RPGRIP1: variants seen among roughly 807,000 people sequenced by gnomAD.
RPGRIP1 encodes the protein X-linked retinitis pigmentosa GTPase regulator-interacting protein 1.
A neutral mutation model predicts 157.9 loss-of-function variants in RPGRIP1; 128 were observed. The ratio of observed to expected loss-of-function variants is 0.81; its 90% CI spans 0.70 to 0.94. RPGRIP1 has a LOEUF of 0.94. Ranked by LOEUF, RPGRIP1 falls within the 40% of genes least tolerant of loss-of-function variation. The pLI, the probability that RPGRIP1 is intolerant of heterozygous loss-of-function variation, is 0.00. For synonymous variants in RPGRIP1, 554 were observed against 571.6 expected (o/e 0.97, Z 0.44); for missense variants, 1,486 against 1,545.8 (o/e 0.96, Z 0.65).
intron 15 of RPGRIP1, 50 bp from the exon 16 acceptor site, chr14:21,325,182 C>G: frequency 6.4e-7 from 1 of 1,555,464 alleles, no homozygotes; most frequent in Non-Finnish European, 8.7e-7. Flanking sequence ...GTTCTTGATC[C>G]TTGCCACACC....
intron 20 of RPGRIP1, 35 bp downstream of exon 20, chr14:21,330,422 A>G (rs749779476): frequency 2.1e-6 from 3 of 1,404,804 alleles, no homozygotes; most frequent in Non-Finnish European, 2.8e-6. Flanking sequence ...TTTTCCTAGC[A>G]CTTTGGGAGG....
chr14:21,281,688 CA>C (rs1282350183), intron 1 of RPGRIP1, among the ~76,000 whole-genome samples: 83 of 79,266 alleles, frequency 1.0e-3, no homozygotes, highest in South Asian at 3.2e-3. Flanking sequence ...GACCTTGTCT[CA>C]AAAAAAAAAA....
chr14:21,314,380 G>A (rs1881675009), intron 10 of RPGRIP1, among the ~76,000 whole-genome samples: 1 of 152,002 alleles, frequency 6.6e-6, no homozygotes, highest in Non-Finnish European at 1.5e-5. Flanking sequence ...CACCGACCCT[G>A]GGCTATTCTA....
intron 6 of RPGRIP1, among the ~76,000 whole-genome samples, chr14:21,305,400 C>T (rs1197971999): frequency 6.6e-6 from 1 of 152,180 alleles, no homozygotes; most frequent in Admixed American, 6.5e-5. Context: ...TTTTTCAAAA[C>T]ACCAAATAAC....
intron 1 of RPGRIP1, among the ~76,000 whole-genome samples, chr14:21,286,565 C>A (rs1878010392): frequency 6.6e-6 from 1 of 151,874 alleles, no homozygotes; most frequent in African/African-American, 2.4e-5. Context: ...GAGGCTGAGG[C>A]AGGCAGATCA....
intron 2 of RPGRIP1, among the ~76,000 whole-genome samples, chr14:21,293,121 G>A (rs1880606607): frequency 6.6e-6 from 1 of 152,124 alleles, no homozygotes; most frequent in Non-Finnish European, 1.5e-5. Flanking sequence ...ACTCCAGCCT[G>A]GGCAAAAAGA....
At chr14:21,307,332 G>GCCA (rs1881359127) in intron 6 of RPGRIP1, among the ~76,000 whole-genome samples, 2 of 152,340 alleles carry the variant, frequency 1.3e-5, no homozygotes, top group Admixed American at 1.3e-4. Flanking sequence ...GGGATTATAG[G>GCCA]CGTGAGCCAC....
intron 8 of RPGRIP1, 81 bp from the exon 9 acceptor site, chr14:21,311,743 A>C: frequency 8.9e-7 from 1 of 1,119,370 alleles, no homozygotes; most frequent in Non-Finnish European, 1.3e-6. Context: ...TCTGTTAGAG[A>C]ATGCTAGGGT....
At position 21,281,690 on chromosome 14, in the gene RPGRIP1, A is replaced by G. The variant is rs935175101; in HGVS notation, c.-39+1531A>G. Among the ~76,000 whole-genome samples, 79 of 119,516 alleles carry G rather than the reference A, an allele frequency of 6.6e-4. 1 individual carries two copies. Among genetic ancestry groups the G allele is most frequent in the Admixed American group, 3.4e-3 (41 of 11,940 alleles). 78.4% of individuals were successfully genotyped at this position (119,516 alleles called of 152,430 possible). On this transcript the variant is annotated intron_variant, in intron 1 of 24. Transcript: ENST00000400017. ...GGCAACAGAGTGAGACCTTGTCTCAAAAAAAAAAAAAATAAATAATAATAA... is the reference window on the plus strand; with the variant it reads ...GGCAACAGAGTGAGACCTTGTCTCAGAAAAAAAAAAAATAAATAATAATAA...
At chr14:21,323,539 C>G (rs969676254) in intron 14 of RPGRIP1, among the ~76,000 whole-genome samples, 8 of 152,028 alleles carry the variant, frequency 5.3e-5, no homozygotes, top group African/African-American at 1.9e-4. Flanking sequence ...GATTTATTTG[C>G]TTTAGCTAAT....
In RPGRIP1 at chr14:21,330,248, G is replaced by A. The variant is rs371900300; in HGVS notation, c.3100-1G>A. The A allele has an allele frequency of 2.6e-6, 4 of 1,546,722 alleles. No individual in the cohort carries two copies. In the African/African-American group the frequency reaches 5.7e-5, roughly 22 times the overall value. ...GTAGTATTGTTGTTCTTATTCTGAAGCAGGTGAATTACACTGAGTGGAAGT... is the reference window on the plus strand; with the variant it reads ...GTAGTATTGTTGTTCTTATTCTGAAACAGGTGAATTACACTGAGTGGAAGT... On this transcript the variant is annotated splice_acceptor_variant, in intron 19 of 24. Transcript: ENST00000400017. LOFTEE classifies it high-confidence loss of function.
chr14:21,319,372 G>A (rs1026408175), intron 11 of RPGRIP1, among the ~76,000 whole-genome samples: 1 of 152,142 alleles, frequency 6.6e-6, no homozygotes, highest in African/African-American at 2.4e-5. Context: ...GACCAGCCTG[G>A]CCAACATGGT....
intron 6 of RPGRIP1, among the ~76,000 whole-genome samples, chr14:21,304,975 T>C (rs999518785): frequency 1.3e-5 from 2 of 152,162 alleles, no homozygotes; most frequent in Non-Finnish European, 2.9e-5. Flanking sequence ...CTAATTTTTT[T>C]GTATTTTTAG....
chr14:21,286,665 C>T (rs979873528), intron 1 of RPGRIP1, among the ~76,000 whole-genome samples: 5 of 151,690 alleles, frequency 3.3e-5, no homozygotes, highest in African/African-American at 9.7e-5. Context: ...CATGGTGGCA[C>T]ATGCCTGTAA....
chr14:21,350,387 A>AC (rs1555307762), intron 24 of RPGRIP1, among the ~76,000 whole-genome samples: 3 of 16,582 alleles, frequency 1.8e-4, no homozygotes, highest in South Asian at 3.1e-3. Flanking sequence ...AAAAAAAAAA[A>AC]AAAAAAAAAG....
rs138519972 is a variant in RPGRIP1, at chr14:21,310,935, A to G, written c.930+328A>G. 5.3e-4 allele frequency: 301 copies of G among 564,524 alleles called. 3 individuals carry two copies. In the East Asian group the frequency reaches 0.01, roughly 20 times the overall value. 35.0% of individuals were successfully genotyped at this position (564,524 alleles called of 1,614,324 possible). A position where few individuals can be genotyped will look rare whatever the true frequency, so the allele number is the denominator to read the frequency against. ...TCTAGCATGTGTGAGGTGATGAGAT[A>G]TAACAAAGTTGTTGCAGGTATTCTC... On this transcript the variant is annotated intron_variant, in intron 8 of 24. Coordinates refer to ENST00000400017, the MANE Select transcript of RPGRIP1 (RefSeq NM_020366.4).
At chr14:21,311,556 T>C (rs912998762) in intron 8 of RPGRIP1, among the ~76,000 whole-genome samples, 2 of 151,756 alleles carry the variant, frequency 1.3e-5, no homozygotes, top group Non-Finnish European at 2.9e-5. Flanking sequence ...AATAAATAAA[T>C]AAATAAATAA....
intron 2 of RPGRIP1, among the ~76,000 whole-genome samples, chr14:21,288,590 C>G (rs1002636099): frequency 2.0e-5 from 3 of 151,774 alleles, no homozygotes; most frequent in African/African-American, 7.3e-5. Context: ...TCTTGGCTCA[C>G]TGCAACCTAT....
At chr14:21,341,393 G>C (rs913677058) in intron 21 of RPGRIP1, among the ~76,000 whole-genome samples, 28 of 152,210 alleles carry the variant, frequency 1.8e-4, no homozygotes, top group African/African-American at 6.7e-4. Context: ...GAGAGATCTT[G>C]CCTGCTGAAT....
Sources: gnomAD v4.1 joint callset for allele counts (sites outside exome capture counted in the v4.1 genomes callset) on GRCh38, gnomAD v4.1.1 for gene constraint, MANE v1.5 for transcripts, NCBI Gene and HGNC (gene_info 2026-07-23, HGNC 2026-07-21) for gene names.